PIK3C2G: variants seen among roughly 807,000 people sequenced by gnomAD.
The protein encoded by PIK3C2G is phosphatidylinositol 3-kinase C2 domain-containing subunit gamma.
In PIK3C2G, 168 loss-of-function variants were observed where a neutral mutation model predicts 181.1. That is an observed-to-expected ratio of 0.93 (90% CI 0.82 to 1.05). PIK3C2G has a LOEUF of 1.05. Ranked by LOEUF, PIK3C2G falls within the 50% of genes least tolerant of loss-of-function variation. The pLI, the probability that PIK3C2G is intolerant of heterozygous loss-of-function variation, is 0.00. For missense variants in PIK3C2G, 1,869 were observed against 1,732.8 expected (o/e 1.08, Z -1.40); for synonymous variants, 573 against 592.2 (o/e 0.97, Z 0.47).
At chr12:18,459,452 T>A (rs1238490783) in intron 18 of PIK3C2G, among the ~76,000 whole-genome samples, 2 of 152,200 alleles carry the variant, frequency 1.3e-5, no homozygotes, top group African/African-American at 4.8e-5. Flanking sequence ...CTACAACAGA[T>A]TTCTCAAATA....
At chr12:18,432,268 T>G (rs1169096198) in intron 18 of PIK3C2G, among the ~76,000 whole-genome samples, 1 of 152,190 alleles carries the variant, frequency 6.6e-6, no homozygotes, top group Non-Finnish European at 1.5e-5. Context: ...ATCACTGGTT[T>G]AAATCATTTT....
At chr12:18,367,413 T>A (rs1199963991) in intron 12 of PIK3C2G, among the ~76,000 whole-genome samples, 1 of 152,208 alleles carries the variant, frequency 6.6e-6, no homozygotes, top group Non-Finnish European at 1.5e-5. Context: ...AATTTGACAG[T>A]CTTTAACAAT....
At chr12:18,658,099 G>A in the PIK3C2G span, among the ~76,000 whole-genome samples, 1,568 of 152,150 alleles carry the variant, frequency 0.01, 33 homozygotes, top group African/African-American at 0.035. Context: ...AGCAGACAGA[G>A]GGAAGAATTA....
In PIK3C2G at chr12:18,284,474, G is replaced by GAT. The variant is rs557094916; in HGVS notation, c.678+1718_678+1719dup. On this transcript the variant is annotated intron_variant, in intron 2 of 32. Coordinates refer to ENST00000538779, the MANE Select transcript of PIK3C2G (RefSeq NM_001288772.2). Reference sequence around the variant, plus strand: ...ATTCAACATAAAATAAAAATGCATAGATATGTAAAGAAGCAGGGAATTTTG... The same window carrying GAT: ...ATTCAACATAAAATAAAAATGCATAGATATATGTAAAGAAGCAGGGAATTTTG... 5.8e-3 allele frequency among the ~76,000 whole-genome samples: 883 copies of GAT among 152,144 alleles called. 11 individuals are homozygous for GAT. Among genetic ancestry groups the GAT allele is most frequent in the African/African-American group, 0.02 (822 of 41,512 alleles).
chr12:18,325,705 TCA>T, intron 8 of PIK3C2G, among the ~76,000 whole-genome samples: 1 of 90,238 alleles, frequency 1.1e-5, no homozygotes. Flanking sequence ...AGACTCAGTC[TCA>T]AAAAAAAAAA....
chr12:18,538,416 C>T lies in PIK3C2G; in HGVS notation c.3480+104C>T, dbSNP rs1219329400. ...GCTTGGAGTTCCCCAAGGAGCTATT[C>T]GGAAGAGAAAGGAATGAGAAAACTA... On this transcript the variant is annotated intron_variant, in intron 25 of 32. Transcript: ENST00000538779. 3.9e-5 allele frequency: 36 copies of T among 926,632 alleles called. No individual in the cohort carries two copies. The Admixed American group carries it at 5.6e-4, about 14-fold the overall frequency. 57.4% of individuals were successfully genotyped at this position (926,632 alleles called of 1,614,324 possible). A position where few individuals can be genotyped will look rare whatever the true frequency, so the allele number is the denominator to read the frequency against.
At chr12:18,264,472 T>C (rs1948390522) in intron 1 of PIK3C2G, among the ~76,000 whole-genome samples, 1 of 152,186 alleles carries the variant, frequency 6.6e-6, no homozygotes, top group Non-Finnish European at 1.5e-5. Flanking sequence ...AAACAGGTTA[T>C]GAGAACACAT....
At chr12:18,606,840 T>A in intron 30 of PIK3C2G, among the ~76,000 whole-genome samples, 1 of 152,110 alleles carries the variant, frequency 6.6e-6, no homozygotes, top group East Asian at 1.9e-4. Context: ...AGTAAAACTA[T>A]AAATTATGTT....
At chr12:18,316,453 A>G (rs1329141594) in intron 6 of PIK3C2G, among the ~76,000 whole-genome samples, 1 of 152,134 alleles carries the variant, frequency 6.6e-6, no homozygotes, top group Non-Finnish European at 1.5e-5. Flanking sequence ...TTAATATGCC[A>G]TTTGAATCAC....
intron 4 of PIK3C2G, among the ~76,000 whole-genome samples, chr12:18,291,922 A>G (rs977101367): frequency 1.3e-5 from 2 of 151,272 alleles, no homozygotes; most frequent in African/African-American, 4.9e-5. Context: ...TTTAAAGAAT[A>G]TAGGGGCTGG....
intron 29 of PIK3C2G, among the ~76,000 whole-genome samples, chr12:18,586,349 A>G (rs1306389103): frequency 6.6e-6 from 1 of 152,194 alleles, no homozygotes; most frequent in Non-Finnish European, 1.5e-5. Context: ...AGAAGAAAAG[A>G]GAGAAGATCC....
intron 15 of PIK3C2G, among the ~76,000 whole-genome samples, chr12:18,392,494 T>C (rs192575962): frequency 1.1e-3 from 160 of 152,254 alleles, no homozygotes; most frequent in Non-Finnish European, 1.7e-3. Flanking sequence ...CTCAAGGCCT[T>C]TTTATTTGAT....
At chr12:18,634,326 A>G (rs1020582141) in intron 31 of PIK3C2G, among the ~76,000 whole-genome samples, 2 of 152,148 alleles carry the variant, frequency 1.3e-5, no homozygotes, top group African/African-American at 4.8e-5. Context: ...TTCTCCTACA[A>G]CCAAGAAAGA....
intron 29 of PIK3C2G, among the ~76,000 whole-genome samples, chr12:18,569,365 A>G (rs1273163739): frequency 6.6e-6 from 1 of 151,576 alleles, no homozygotes; most frequent in East Asian, 1.9e-4. Flanking sequence ...CCCAAGCAGA[A>G]CACCCAGCTG....
intron 18 of PIK3C2G, among the ~76,000 whole-genome samples, chr12:18,470,632 G>A (rs1466257305): frequency 6.6e-6 from 1 of 152,052 alleles, no homozygotes; most frequent in African/African-American, 2.4e-5. Context: ...ATACTCTTTG[G>A]AAACTAGAGC....
intron 18 of PIK3C2G, among the ~76,000 whole-genome samples, chr12:18,437,102 AG>A (rs1260227541): frequency 1.3e-5 from 2 of 151,916 alleles, no homozygotes. Flanking sequence ...AGGGCTGTGA[AG>A]ACTCAGAGTT....
intron 11 of PIK3C2G, among the ~76,000 whole-genome samples, chr12:18,355,296 C>T (rs1226803354): frequency 6.6e-6 from 1 of 152,226 alleles, no homozygotes; most frequent in African/African-American, 2.4e-5. Context: ...CAGCAGGGCT[C>T]ACTCTTCTGT....
At chr12:18,272,626 T>G (rs1948791854) in intron 1 of PIK3C2G, among the ~76,000 whole-genome samples, 1 of 152,212 alleles carries the variant, frequency 6.6e-6, no homozygotes, top group Non-Finnish European at 1.5e-5. Context: ...GTACACTTTA[T>G]TAACCCTGCA....
chr12:18,436,809 G>C (rs1379517282), intron 18 of PIK3C2G, among the ~76,000 whole-genome samples: 2 of 151,964 alleles, frequency 1.3e-5, no homozygotes, highest in African/African-American at 4.8e-5. Context: ...TTCTGAATAA[G>C]GGTTTTTGAA....
Sources: gnomAD v4.1 joint callset for allele counts (sites outside exome capture counted in the v4.1 genomes callset) on GRCh38, gnomAD v4.1.1 for gene constraint, MANE v1.5 for transcripts, NCBI Gene and HGNC (gene_info 2026-07-23, HGNC 2026-07-21) for gene names.